The following SDK1 variants were observed in gnomAD, a reference collection of about 807,000 sequenced individuals.
The protein encoded by SDK1 is sidekick cell adhesion molecule 1.
SDK1 carries 157 observed loss-of-function variants against 245.5 expected under a neutral mutation model. The observed-to-expected ratio is 0.64, with a 90% CI of 0.56 to 0.73. The LOEUF is 0.73. SDK1 is among the 30% of genes least tolerant of loss of function. The pLI is 0.00. For synonymous variants in SDK1, 1,647 were observed against 1,278.5 expected (o/e 1.29, Z -6.15); for missense variants, 3,583 against 3,002.3 (o/e 1.19, Z -4.52).
chr7:3,491,085 T>G (rs1781851368), intron 1 of SDK1, among the ~76,000 whole-genome samples: 1 of 152,208 alleles, frequency 6.6e-6, no homozygotes, highest in Non-Finnish European at 1.5e-5. Context: ...TTTTATAGAT[T>G]ACAGCCGAAA....
chr7:4,113,450 G>A lies in SDK1; in HGVS notation c.3585+11G>A, dbSNP rs1349956247. On this transcript the variant is annotated intron_variant, in intron 24 of 44. Coordinates refer to ENST00000404826, the MANE Select transcript of SDK1 (RefSeq NM_152744.4). Reference sequence around the variant, plus strand: ...CGGCTTCGCTGGGTGGTGAGTGGGGGTGAGAAGGGAGGCTGGAGGCACACG... The same window carrying A: ...CGGCTTCGCTGGGTGGTGAGTGGGGATGAGAAGGGAGGCTGGAGGCACACG... 3.7e-6 allele frequency: 6 copies of A among 1,613,136 alleles called. No individual in the cohort carries two copies. Among genetic ancestry groups the A allele is most frequent in the East Asian group, 2.2e-5 (1 of 44,878 alleles).
At chr7:3,723,700 A>T (rs1244505771) in intron 4 of SDK1, among the ~76,000 whole-genome samples, 2 of 151,338 alleles carry the variant, frequency 1.3e-5, no homozygotes, top group African/African-American at 4.9e-5. Flanking sequence ...ATACACGTAC[A>T]TATACATATA....
chr7:3,349,146 C>T (rs1322690389), intron 1 of SDK1, among the ~76,000 whole-genome samples: 2 of 151,956 alleles, frequency 1.3e-5, no homozygotes, highest in East Asian at 3.9e-4. Context: ...CTGCCTCCTT[C>T]CTCAGTCCCC....
chr7:4,250,290 C>A (rs1787207668), intron 44 of SDK1, among the ~76,000 whole-genome samples: 2 of 152,058 alleles, frequency 1.3e-5, no homozygotes, highest in Admixed American at 1.3e-4. Flanking sequence ...GAACTTCTCC[C>A]TTTATAGGAA....
intron 4 of SDK1, among the ~76,000 whole-genome samples, chr7:3,695,925 T>C (rs1784560010): frequency 1.3e-5 from 2 of 152,194 alleles, no homozygotes; most frequent in Non-Finnish European, 1.5e-5. Flanking sequence ...TTTTCACTTA[T>C]TTCGGGTTTT....
intron 4 of SDK1, among the ~76,000 whole-genome samples, chr7:3,716,771 G>GA (rs534296974): frequency 0.018 from 1,960 of 110,712 alleles, 59 homozygotes; most frequent in African/African-American, 0.058. Context: ...CAAAAAAAAA[G>GA]AAAAAAAAAA....
intron 1 of SDK1, among the ~76,000 whole-genome samples, chr7:3,479,875 A>AT (rs1264754201): frequency 8.6e-5 from 13 of 151,352 alleles, no homozygotes; most frequent in African/African-American, 1.9e-4. Context: ...AAAAAAAAAA[A>AT]ATTTTTTTTT....
At chr7:3,913,486 G>A (rs985034812) in intron 5 of SDK1, among the ~76,000 whole-genome samples, 1 of 151,914 alleles carries the variant, frequency 6.6e-6, no homozygotes, top group African/African-American at 2.4e-5. Context: ...GTAGAGATGG[G>A]GTTTCACTAT....
chr7:3,879,321 A>C lies in SDK1; in HGVS notation c.847+57738A>C, dbSNP rs1479690217. Among the ~76,000 whole-genome samples the C allele has an allele frequency of 2.0e-5, 3 of 152,158 alleles. No homozygotes were observed. In the East Asian group the frequency reaches 5.8e-4, roughly 29 times the overall value. On this transcript the variant is annotated intron_variant, in intron 5 of 44. Transcript: ENST00000404826. ...ATAAATGGTTTGGTTTCAAGTCACA[A>C]TTTGGTATTACCCTTGCAGTTACTA...
chr7:3,489,931 C>T (rs1195601362), intron 1 of SDK1, among the ~76,000 whole-genome samples: 1 of 152,092 alleles, frequency 6.6e-6, no homozygotes, highest in Non-Finnish European at 1.5e-5. Flanking sequence ...GCCAATTACA[C>T]ATAAAATAGT....
At chr7:3,820,883 A>T (rs897522579) in intron 4 of SDK1, among the ~76,000 whole-genome samples, 1 of 152,230 alleles carries the variant, frequency 6.6e-6, no homozygotes, top group Non-Finnish European at 1.5e-5. Context: ...ATGGTGAGAT[A>T]GTACAGGTGA....
chr7:3,969,956 G>A (rs1404634102), intron 11 of SDK1, among the ~76,000 whole-genome samples: 1 of 152,108 alleles, frequency 6.6e-6, no homozygotes, highest in Non-Finnish European at 1.5e-5. Context: ...TGTATATTAG[G>A]AGTGAACTGA....
chr7:3,824,677 G>A (rs1291934330), intron 5 of SDK1, among the ~76,000 whole-genome samples: 2 of 152,138 alleles, frequency 1.3e-5, no homozygotes, highest in Non-Finnish European at 2.9e-5. Context: ...CAACAACCTT[G>A]TACTTGAGAG....
chr7:3,669,451 C>G (rs1259987033), intron 4 of SDK1, among the ~76,000 whole-genome samples: 1 of 152,162 alleles, frequency 6.6e-6, no homozygotes, highest in Non-Finnish European at 1.5e-5. Context: ...TTCTTACTCT[C>G]CTTGAACTTC....
chr7:4,092,231 C>T (rs1056432938), intron 22 of SDK1, among the ~76,000 whole-genome samples: 3 of 152,198 alleles, frequency 2.0e-5, no homozygotes, highest in African/African-American at 7.2e-5. Context: ...AGCAACTTTA[C>T]GAATGCATCT....
chr7:3,665,836 T>C (rs1367049419), intron 4 of SDK1, among the ~76,000 whole-genome samples: 1 of 152,186 alleles, frequency 6.6e-6, no homozygotes, highest in South Asian at 2.1e-4. Context: ...TTCCTTGTGT[T>C]GCTTTTCTCT....
chr7:3,381,393 C>T (rs1392134233), intron 1 of SDK1, among the ~76,000 whole-genome samples: 2 of 151,992 alleles, frequency 1.3e-5, no homozygotes, highest in Non-Finnish European at 2.9e-5. Flanking sequence ...AGAGCACCCG[C>T]ACTGGTGACT....
intron 17 of SDK1, among the ~76,000 whole-genome samples, chr7:4,030,659 T>G (rs2342490): frequency 6.6e-6 from 1 of 152,218 alleles, no homozygotes; most frequent in African/African-American, 2.4e-5. Flanking sequence ...GGCACCAACA[T>G]TCAGGTGATT....
intron 2 of SDK1, 127 bp downstream of exon 2, chr7:3,619,366 G>A: frequency 1.4e-6 from 1 of 735,966 alleles, no homozygotes; most frequent in Non-Finnish European, 2.2e-6. Flanking sequence ...CAAGATTAAA[G>A]GAATAGATTT....
Sources: allele counts gnomAD v4.1 joint callset (sites outside exome capture counted in the v4.1 genomes callset), GRCh38; gene constraint gnomAD v4.1.1; transcripts MANE v1.5; gene names NCBI Gene and HGNC (gene_info 2026-07-23, HGNC 2026-07-21).